The following C3orf49 variants were observed in gnomAD, a reference collection of about 807,000 sequenced individuals.
The protein encoded by C3orf49 is chromosome 3 open reading frame 49, also known as putative uncharacterized protein C3orf49.
Under a neutral mutation model 13.3 loss-of-function variants are expected in C3orf49, and 27 were observed. The ratio of observed to expected loss-of-function variants is 2.02; its 90% CI spans 1.49 to 2.79. The LOEUF (loss-of-function observed/expected upper bound fraction) is 2.79. C3orf49 is among the 30% of genes most tolerant of loss of function. The probability of loss-of-function intolerance (pLI) is 0.00; values close to 1 mark genes in which losing one functional copy is unlikely to be tolerated. For missense variants in C3orf49, 242 were observed against 134.2 expected (o/e 1.80, Z -3.97); for synonymous variants, 87 against 47.6 (o/e 1.83, Z -3.40).
chr3:63,782,384 A>C, the C3orf49 span: 1 of 152,206 alleles, frequency 6.6e-6, no homozygotes, highest in Non-Finnish European at 1.5e-5. Context: ...AACATTTTCA[A>C]ATTCAATTTT....
chr3:63,801,682 G>A, the C3orf49 span, among the ~76,000 whole-genome samples: 9 of 152,260 alleles, frequency 5.9e-5, no homozygotes, highest in South Asian at 6.2e-4. Flanking sequence ...AGTGCCCAGC[G>A]TCAGCCATTT....
At chr3:63,833,813 A>G in intron 5 of C3orf49, 1 of 207,716 alleles carries the variant, frequency 4.8e-6, no homozygotes, top group Non-Finnish European at 9.5e-6. Context: ...CTTATTTTGT[A>G]AGCCAATCAA....
chr3:63,791,222 C>A, the C3orf49 span, among the ~76,000 whole-genome samples: 2 of 152,232 alleles, frequency 1.3e-5, no homozygotes, highest in East Asian at 3.9e-4. Flanking sequence ...GGATATTGTC[C>A]ACTGCAGTCT....
intron 2 of C3orf49, among the ~76,000 whole-genome samples, chr3:63,826,490 G>A (rs1701465877): frequency 6.6e-6 from 1 of 152,116 alleles, no homozygotes. Context: ...TGGCTTTGAA[G>A]GTGGAGGCAT....
chr3:63,795,418 C>T, the C3orf49 span, among the ~76,000 whole-genome samples: 1 of 152,148 alleles, frequency 6.6e-6, no homozygotes, highest in African/African-American at 2.4e-5. Flanking sequence ...CTTTCATTGC[C>T]TCACTCGTTC....
chr3:63,793,291 T>C, the C3orf49 span, among the ~76,000 whole-genome samples: 4 of 152,088 alleles, frequency 2.6e-5, no homozygotes, highest in Non-Finnish European at 2.9e-5. Context: ...ACCTCACATA[T>C]CTCAGTCATC....
chr3:63,803,203 G>A, the C3orf49 span, among the ~76,000 whole-genome samples: 1 of 152,162 alleles, frequency 6.6e-6, no homozygotes, highest in South Asian at 2.1e-4. Context: ...TTAAGTGTGG[G>A]AGGTGGATTT....
At chr3:63,841,706 GT>G (rs1442787871) in intron 5 of C3orf49, among the ~76,000 whole-genome samples, 11 of 152,288 alleles carry the variant, frequency 7.2e-5, no homozygotes, top group African/African-American at 2.6e-4. Flanking sequence ...AATGCTTTCG[GT>G]TTTTTAACCA....
chr3:63,837,857 G>A (rs1701665752), intron 5 of C3orf49: 2 of 770,768 alleles, frequency 2.6e-6, no homozygotes, highest in Admixed American at 3.2e-5. Flanking sequence ...ATTAAAATTT[G>A]GATTTTTTTT....
Position 63,834,387 on chromosome 3 carries a change from T to A in C3orf49, c.849+2543T>A, listed in dbSNP as rs566264608. On this transcript the variant is annotated intron_variant, in intron 5 of 6. Coordinates refer to ENST00000295896, the MANE Select transcript of C3orf49 (RefSeq NM_001355236.2). ...AAAAAAAAAAAATCCAGGCAGGGTCTGGTGGCTCATGCCTATAATCCCAGC... is the reference window on the plus strand; with the variant it reads ...AAAAAAAAAAAATCCAGGCAGGGTCAGGTGGCTCATGCCTATAATCCCAGC... Among the ~76,000 whole-genome samples the A allele has an allele frequency of 4.0e-5, 6 of 151,390 alleles. No homozygotes were observed. The South Asian group carries it at 1.3e-3, about 32-fold the overall frequency.
At chr3:63,821,484 C>T (rs905581444) in intron 1 of C3orf49, among the ~76,000 whole-genome samples, 2 of 152,008 alleles carry the variant, frequency 1.3e-5, no homozygotes, top group African/African-American at 2.4e-5. Context: ...TATGTTCATA[C>T]AAAACCTATA....
At chr3:63,815,878 G>C (rs1701318859), upstream of C3orf49, among the ~76,000 whole-genome samples, 2 of 150,770 alleles carry the variant, frequency 1.3e-5, no homozygotes, top group African/African-American at 4.9e-5. Context: ...GCGAGGAGGC[G>C]TGAAGCCGGG....
chr3:63,814,772 C>T (rs1272375176), upstream of C3orf49, among the ~76,000 whole-genome samples: 1 of 152,122 alleles, frequency 6.6e-6, no homozygotes, highest in Non-Finnish European at 1.5e-5. Flanking sequence ...CCTTGGACTA[C>T]AGCAACAACT....
At chr3:63,802,917 C>A in the C3orf49 span, among the ~76,000 whole-genome samples, 1 of 152,078 alleles carries the variant, frequency 6.6e-6, no homozygotes, top group Non-Finnish European at 1.5e-5. Flanking sequence ...CACACAGACA[C>A]ACACACTAAG....
the C3orf49 span, among the ~76,000 whole-genome samples, chr3:63,785,133 C>T: frequency 1.6e-5 from 2 of 124,326 alleles, no homozygotes; most frequent in South Asian, 5.6e-4. Context: ...AGTGCAGTGG[C>T]GTGATCTCGG....
the C3orf49 span, among the ~76,000 whole-genome samples, chr3:63,814,198 C>G: frequency 6.6e-6 from 1 of 152,126 alleles, no homozygotes; most frequent in African/African-American, 2.4e-5. Flanking sequence ...CCTGGCTGAA[C>G]AGAGAGTTAA....
chr3:63,790,152 T>A, the C3orf49 span, among the ~76,000 whole-genome samples: 27 of 152,134 alleles, frequency 1.8e-4, no homozygotes, highest in African/African-American at 6.5e-4. Context: ...TCAACACTCC[T>A]GAGAGCCTCT....
intron 3 of C3orf49, among the ~76,000 whole-genome samples, chr3:63,828,166 A>T (rs1261044921): frequency 6.6e-6 from 1 of 152,226 alleles, no homozygotes; most frequent in Non-Finnish European, 1.5e-5. Flanking sequence ...TGAGGAACTG[A>T]ATTTTTAATC....
At chr3:63,840,774 T>C (rs1214243440) in intron 5 of C3orf49, among the ~76,000 whole-genome samples, 4 of 152,198 alleles carry the variant, frequency 2.6e-5, no homozygotes, top group Admixed American at 2.0e-4. Flanking sequence ...AACTATCAGA[T>C]TGGCAAAAGA....
Sources: gnomAD v4.1 joint callset for allele counts (sites outside exome capture counted in the v4.1 genomes callset) on GRCh38, gnomAD v4.1.1 for gene constraint, MANE v1.5 for transcripts, NCBI Gene and HGNC (gene_info 2026-07-23, HGNC 2026-07-21) for gene names.